The following SEC24B variants were observed in gnomAD, a reference collection of about 807,000 sequenced individuals.
SEC24B encodes protein transport protein Sec24B.
In SEC24B, 45 loss-of-function variants were observed where a neutral mutation model predicts 142.8. The ratio of observed to expected loss-of-function variants is 0.32; its 90% CI spans 0.25 to 0.40. The LOEUF (loss-of-function observed/expected upper bound fraction) is 0.40. Ranked by LOEUF, SEC24B falls within the 10% of genes least tolerant of loss-of-function variation. SEC24B has a pLI of 1.00. For missense variants in SEC24B, 1,409 were observed against 1,526.8 expected, an observed-to-expected ratio of 0.92 and a Z score of 1.29; for synonymous variants, 574 against 568.2, an observed-to-expected ratio of 1.01 and a Z score of -0.15.
chr4:109,439,420 A>AC (rs1728705373), intron 1 of SEC24B, among the ~76,000 whole-genome samples: 1 of 136,936 alleles, frequency 7.3e-6, no homozygotes, highest in Non-Finnish European at 1.5e-5. Flanking sequence ...TCATGAATAT[A>AC]CCCCTGTGGT....
At chr4:109,495,193 A>T (rs986823729) in intron 6 of SEC24B, among the ~76,000 whole-genome samples, 71 of 152,278 alleles carry the variant, frequency 4.7e-4, no homozygotes, top group African/African-American at 1.4e-3. Context: ...TTAAGTTTTT[A>T]AAAAAATTTT....
chr4:109,491,186 C>T (rs1734982951), intron 4 of SEC24B, 141 bp from the exon 5 acceptor site: 2 of 603,590 alleles, frequency 3.3e-6, no homozygotes, highest in African/African-American at 1.9e-5. Context: ...TAAAATGTCT[C>T]TAGACATCAA....
In SEC24B at chr4:109,506,308, G is replaced by T; in HGVS notation, c.1489-20G>T. On this transcript the variant is annotated intron_variant, in intron 6 of 23. Transcript: ENST00000265175. The stretch of plus-strand genomic sequence containing the variant: ...TTATGTTTTATTGTTCTTTTATTTT[G>T]TTTTGAATTGCTCTTTCAGCAGTAT... 1 of 1,467,742 alleles carries T rather than the reference G, an allele frequency of 6.8e-7. No homozygotes were observed. The highest frequency in any genetic ancestry group is 9.0e-7 in the Non-Finnish European group (1 of 1,107,130). 90.9% of individuals were successfully genotyped at this position (1,467,742 alleles called of 1,614,324 possible).
chr4:109,480,965 A>G (rs886881380), intron 3 of SEC24B, among the ~76,000 whole-genome samples: 2 of 152,144 alleles, frequency 1.3e-5, no homozygotes, highest in Admixed American at 6.5e-5. Flanking sequence ...TTCTGTTGGT[A>G]TATTTCACAC....
At chr4:109,458,779 G>A (rs1455880459) in intron 1 of SEC24B, among the ~76,000 whole-genome samples, 3 of 150,890 alleles carry the variant, frequency 2.0e-5, no homozygotes, top group South Asian at 4.2e-4. Context: ...ACATCAGAAT[G>A]TTAGCAGGTT....
In SEC24B at chr4:109,486,985, C is replaced by T. The variant is rs562332668; in HGVS notation, c.1166-4342C>T. 5.3e-5 allele frequency among the ~76,000 whole-genome samples: 8 copies of T among 151,854 alleles called. No individual in the cohort carries two copies. In the South Asian group the frequency reaches 1.7e-3, roughly 32 times the overall value. ...TTTGAGACCAGCCTGGCTAACATAA[C>T]GAAACCCCATATCTACTAAAAATAC... is the stretch of plus-strand genomic sequence containing the variant. On this transcript the variant is annotated intron_variant, in intron 4 of 23. Coordinates refer to ENST00000265175, the MANE Select transcript of SEC24B (RefSeq NM_006323.5).
chr4:109,453,445 C>G (rs1383592522), intron 1 of SEC24B, among the ~76,000 whole-genome samples: 5 of 35,494 alleles, frequency 1.4e-4, no homozygotes, highest in Admixed American at 2.3e-4. Flanking sequence ...TTTAGGCCCC[C>G]CCCCCCCCCC....
chr4:109,495,624 AT>A (rs1735463177), intron 6 of SEC24B, among the ~76,000 whole-genome samples: 1 of 152,150 alleles, frequency 6.6e-6, no homozygotes, highest in African/African-American at 2.4e-5. Context: ...TAGTTGTGAC[AT>A]TTACATGAGG....
chr4:109,443,517 C>T (rs887256896), intron 1 of SEC24B, among the ~76,000 whole-genome samples: 1 of 152,144 alleles, frequency 6.6e-6, no homozygotes, highest in Non-Finnish European at 1.5e-5. Flanking sequence ...GCTGGGATTA[C>T]AGGCATGAAC....
At chr4:109,468,563 T>G (rs1732198336) in intron 2 of SEC24B, among the ~76,000 whole-genome samples, 4 of 152,254 alleles carry the variant, frequency 2.6e-5, no homozygotes, top group Admixed American at 2.6e-4. Flanking sequence ...GTGTTGGCAC[T>G]ATCAGATTTG....
rs1017447515 is a variant in SEC24B at position 109,459,111 on chromosome 4, C to T, written c.134-3790C>T. Reference sequence around the variant, plus strand: ...TGTGTACATAATGCACTGTGTTGCTCTACTCTTCGAAAAAATAGTTCTTTC... The same window carrying T: ...TGTGTACATAATGCACTGTGTTGCTTTACTCTTCGAAAAAATAGTTCTTTC... On this transcript the variant is annotated intron_variant, in intron 1 of 23. Coordinates refer to ENST00000265175, the MANE Select transcript of SEC24B (RefSeq NM_006323.5). Among the ~76,000 whole-genome samples, 10 of 152,176 alleles carry T rather than the reference C, an allele frequency of 6.6e-5. 1 individual carries two copies. The East Asian group carries it at 1.2e-3, about 18-fold the overall frequency.
intron 1 of SEC24B, among the ~76,000 whole-genome samples, chr4:109,439,474 A>ATTTTTT (rs70949077): frequency 1.4e-4 from 6 of 43,996 alleles, no homozygotes; most frequent in Admixed American, 4.3e-4. Context: ...TCCTAAGCTG[A>ATTTTTT]TTTTTTTTTT....
intron 10 of SEC24B, among the ~76,000 whole-genome samples, chr4:109,515,857 T>C (rs1722790867): frequency 6.6e-6 from 1 of 150,668 alleles, no homozygotes. Flanking sequence ...CTGGCCAACA[T>C]AGTGAACCCC....
intron 3 of SEC24B, among the ~76,000 whole-genome samples, chr4:109,478,301 A>T (rs1320872992): frequency 6.7e-6 from 1 of 150,190 alleles, no homozygotes; most frequent in Non-Finnish European, 1.5e-5. Context: ...AAAAAAAAAA[A>T]TTAATAAAAT....
intron 1 of SEC24B, among the ~76,000 whole-genome samples, chr4:109,445,186 A>C (rs1178552800): frequency 6.6e-6 from 1 of 150,614 alleles, no homozygotes; most frequent in African/African-American, 2.4e-5. Context: ...AGCCTCCCAA[A>C]GTGCTGGGAT....
intron 4 of SEC24B, 59 bp from the exon 5 acceptor site, chr4:109,491,268 G>A: frequency 7.4e-7 from 1 of 1,355,102 alleles, no homozygotes; most frequent in Non-Finnish European, 1.0e-6. Flanking sequence ...AATTGCCAAA[G>A]GCTGCTTTAA....
chr4:109,465,160 C>CT (rs1000979540), intron 2 of SEC24B, among the ~76,000 whole-genome samples: 5 of 151,924 alleles, frequency 3.3e-5, no homozygotes, highest in African/African-American at 7.3e-5. Context: ...AATATTGAAT[C>CT]TTTTTTTTAG....
chr4:109,455,663 C>A (rs1295199933), intron 1 of SEC24B, among the ~76,000 whole-genome samples: 1 of 152,204 alleles, frequency 6.6e-6, no homozygotes, highest in Non-Finnish European at 1.5e-5. Context: ...TATCTTTCCT[C>A]AATTGCATTG....
intron 7 of SEC24B, among the ~76,000 whole-genome samples, chr4:109,509,570 A>G (rs1303984977): frequency 6.6e-6 from 1 of 151,202 alleles, no homozygotes; most frequent in East Asian, 2.0e-4. Flanking sequence ...CCAGCTACTC[A>G]GGAGGCTGAG....
Sources: allele counts gnomAD v4.1 joint callset (sites outside exome capture counted in the v4.1 genomes callset), GRCh38; gene constraint gnomAD v4.1.1; transcripts MANE v1.5; gene names NCBI Gene and HGNC (gene_info 2026-07-23, HGNC 2026-07-21).